The following C2CD2L variants were observed in gnomAD, a reference collection of about 807,000 sequenced individuals.
The protein encoded by C2CD2L is C2CD2 like, also known as phospholipid transfer protein C2CD2L.
C2CD2L carries 24 observed loss-of-function variants against 69.9 expected under a neutral mutation model. That is an observed-to-expected ratio of 0.34 (90% CI 0.25 to 0.48). The LOEUF is 0.48. Ranked by LOEUF, C2CD2L falls within the 20% of genes least tolerant of loss-of-function variation. The probability of loss-of-function intolerance (pLI) is 0.99; values close to 1 mark genes in which losing one functional copy is unlikely to be tolerated. For synonymous variants in C2CD2L, 367 were observed against 391.0 expected (o/e 0.94, Z 0.72); for missense variants, 811 against 941.5 (o/e 0.86, Z 1.81).
intron 11 of C2CD2L, 64 bp from the exon 12 acceptor site, chr11:119,113,791 G>A: frequency 6.2e-7 from 1 of 1,611,512 alleles, no homozygotes; most frequent in Non-Finnish European, 8.5e-7. Flanking sequence ...TGGGATAGGA[G>A]GAGTTCCAAT....
At chr11:119,111,813 G>C (rs1186132811) in intron 7 of C2CD2L, 184 bp downstream of exon 7, 29 of 574,412 alleles carry the variant, frequency 5.0e-5, no homozygotes, top group Non-Finnish European at 3.1e-6. Context: ...CCACCCCTGG[G>C]TCAATGACAA....
chr11:119,111,255 G>A lies in C2CD2L; in HGVS notation c.799-8G>A. On this transcript the variant is annotated splice_region_variant and splice_polypyrimidine_tract_variant and intron_variant, in intron 5 of 13. Coordinates refer to ENST00000648610, the MANE Select transcript of C2CD2L (RefSeq NM_001290474.2). ...ATTCTTGCTCTTTGGACCTTCTTCT[G>A]CTCTTAGGTACCCAGTGAGAAGCCA... 1.2e-6 allele frequency: 2 copies of A among 1,613,686 alleles called. No individual in the cohort carries two copies. The highest frequency in any genetic ancestry group is 2.2e-5 in the South Asian group (2 of 91,082).
In C2CD2L at chr11:119,114,121, T is replaced by C. The variant is rs1946824103; in HGVS notation, c.1665T>C (p.Tyr555=). The C allele has an allele frequency of 1.2e-6, 2 of 1,614,024 alleles. No homozygotes were observed. Among genetic ancestry groups the C allele is most frequent in the African/African-American group, 1.3e-5 (1 of 74,916 alleles). The change falls in exon 13 of 14, where the codon TAT becomes TAC. Residue 555 remains tyrosine, a synonymous_variant. Coordinates refer to ENST00000648610, the MANE Select transcript of C2CD2L (RefSeq NM_001290474.2). The surrounding 1 kb of genome is among the most constrained non-coding windows in gnomAD (Gnocchi z 5.1). ...ACGAGTTGGCGCTATCCCTGGGCTA[T>C]GCGGCATCCCTGGAAGCCTCAGTGC... The part of the protein sequence containing the change: ...AQDELALSLG[Y]AASLEASVQD...
intron 9 of C2CD2L, 25 bp downstream of exon 9, chr11:119,112,634 G>A (rs373719904): frequency 5.0e-6 from 8 of 1,607,490 alleles, no homozygotes; most frequent in Admixed American, 1.7e-5. Flanking sequence ...CCTGGGGTAG[G>A]TGGGAGGACA....
Position 119,108,578 on chromosome 11 carries a change from TCTC to T in C2CD2L, c.354+488_354+490del, listed in dbSNP as rs1946653546. Among the ~76,000 whole-genome samples the T allele has an allele frequency of 4.6e-5, 7 of 152,246 alleles. No individual in the cohort carries two copies. In the South Asian group the frequency reaches 1.5e-3, roughly 32 times the overall value. ...TCACTGCTACAGTCAAACACATCCTTCTCCTCCATGCTGGCCTGTGGTTCACTG... is the reference window on the plus strand; with the variant it reads ...TCACTGCTACAGTCAAACACATCCTTCTCCATGCTGGCCTGTGGTTCACTG... On this transcript the variant is annotated intron_variant, in intron 1 of 13. Transcript: ENST00000648610.
chr11:119,114,328 T>G lies in C2CD2L; in HGVS notation c.1872T>G (p.Thr624=). 6.2e-7 allele frequency: 1 copy of G among 1,614,162 alleles called. No homozygotes were observed. Among genetic ancestry groups the G allele is most frequent in the South Asian group, 1.1e-5 (1 of 91,090 alleles). ...ATATTGAGTCGGAAACGGGGTCCAC[T>G]GGTGCCCTGGAGACCCGCAGCCTCA... ...VDDIESETGS[T]GALETRSLKD... is the part of the protein sequence containing the mutation. The change falls in exon 13 of 14, where the codon ACT becomes ACG. Residue 624 remains threonine (T), a synonymous_variant. Coordinates refer to ENST00000648610, the MANE Select transcript of C2CD2L (RefSeq NM_001290474.2). The surrounding 1 kb of genome is among the most constrained non-coding windows in gnomAD (Gnocchi z 5.1).
rs966205843 is a variant in C2CD2L at position 119,113,635 on chromosome 11, A to T, written c.1412A>T (p.Lys471Met). The T allele has an allele frequency of 2.5e-6, 4 of 1,613,622 alleles. No individual in the cohort carries two copies. The highest frequency in any genetic ancestry group is 3.4e-6 in the Non-Finnish European group (4 of 1,179,856). ...KLDSPSRSPS[K>M]VEVTEKTTTV... ...GACTCCCCCTCCCGCTCCCCGTCCA[A>T]GGTGGAGGTGACCGAGAAGACGACA... The change falls in exon 11 of 14, where the codon AAG (lysine) becomes ATG (methionine). Residue 471 changes from lysine to methionine, a missense_variant. Transcript: ENST00000648610.
In C2CD2L at chr11:119,116,298, C is replaced by T. The variant is rs977633198; in HGVS notation, c.*42C>T. On this transcript the variant is annotated 3_prime_UTR_variant, in exon 14 of 14. Transcript: ENST00000648610. ...GGGCACGAGTTCTCTCAGCCCATTC[C>T]CCACCTCCCCTTCCATACCCCTTCC... 3.4e-6 allele frequency: 5 copies of T among 1,465,236 alleles called. No individual in the cohort carries two copies. Among genetic ancestry groups the T allele is most frequent in the East Asian group, 2.3e-5 (1 of 44,016 alleles). The allele number at this position is 1,465,236 out of a possible 1,614,324, so 90.8% of individuals were successfully genotyped here.
chr11:119,106,616 T>C (rs987163274), upstream of C2CD2L: 1 of 152,228 alleles, frequency 6.6e-6, no homozygotes, highest in Non-Finnish European at 1.5e-5. Context: ...CTGAATCTAT[T>C]GATAGTCCAG....
upstream of C2CD2L, among the ~76,000 whole-genome samples, chr11:119,105,245 C>T (rs1222741972): frequency 1.3e-5 from 2 of 152,128 alleles, no homozygotes; most frequent in Non-Finnish European, 2.9e-5. Context: ...GGTTCCCACC[C>T]CTAGGCAGCT....
At position 119,110,910 on chromosome 11, in the gene C2CD2L, C is replaced by T. The variant is rs967566654; in HGVS notation, c.634C>T (p.Arg212Cys). Residue 212 changes from arginine (R) to cysteine (C), a missense_variant, in exon 4 of 14, where the codon CGC becomes TGC. Arg to Cys is a radical substitution (Grantham distance 180). Coordinates refer to ENST00000648610, the MANE Select transcript of C2CD2L (RefSeq NM_001290474.2). This position sits in a 1 kb window ranked among gnomAD's most constrained non-coding sequence, Gnocchi z 5.7. ...GLLISWAFTD[R>C]PDLSLTVLPK... Reference sequence around the variant, plus strand: ...GCTCATATCCTGGGCCTTCACTGATCGCCCAGATCTCAGCCTAACGGTGCT... The same window carrying T: ...GCTCATATCCTGGGCCTTCACTGATTGCCCAGATCTCAGCCTAACGGTGCT... 15 of 1,614,012 alleles carry T rather than the reference C, an allele frequency of 9.3e-6. No homozygotes were observed. The highest frequency in any genetic ancestry group is 2.2e-5 in the East Asian group (1 of 44,890).
chr11:119,112,970 A>G (rs185881017), intron 10 of C2CD2L, 96 bp downstream of exon 10: 22 of 1,019,632 alleles, frequency 2.2e-5, no homozygotes, highest in Admixed American at 7.4e-5. Flanking sequence ...CTTAATTCCA[A>G]CTCCCCCTGT....
upstream of C2CD2L, among the ~76,000 whole-genome samples, chr11:119,106,061 A>G (rs949654464): frequency 1.3e-5 from 2 of 152,206 alleles, no homozygotes; most frequent in African/African-American, 4.8e-5. Flanking sequence ...TCCAGTGACA[A>G]TGCATGGGCA....
rs143856870 is a variant in C2CD2L, at chr11:119,116,057, G to A, written c.1922G>A (p.Arg641His). 1.2e-6 allele frequency: 2 copies of A among 1,613,452 alleles called. No homozygotes were observed. Among genetic ancestry groups the A allele is most frequent in the South Asian group, 1.1e-5 (1 of 91,062 alleles). The change falls in exon 14 of 14, where the codon CGC becomes CAC. Residue 641 changes from arginine (R) to histidine (H), a missense_variant. Physicochemically the swap from Arg to His is conservative, Grantham distance 29 (BLOSUM62 0). Transcript: ENST00000648610. ...TCTTCCCCTGCAGTGAGTTTCCTGCGCAGCGGCACTAAGCTCATCTTCCGC... is the reference window on the plus strand; with the variant it reads ...TCTTCCCCTGCAGTGAGTTTCCTGCACAGCGGCACTAAGCTCATCTTCCGC... ...SLKDHKVSFL[R>H]SGTKLIFRRR...
chr11:119,107,451 G>T lies in C2CD2L; in HGVS notation c.-291G>T, dbSNP rs1946614500. 3.4e-6 allele frequency: 1 copy of T among 294,230 alleles called. No homozygotes were observed. 18.2% of individuals were successfully genotyped at this position (294,230 alleles called of 1,614,324 possible). ...TCCCCTCCAGGGTCCGGCGGGGCCC[G>T]CGCGGTGGGAGGAGTCGGGCACTGG... On this transcript the variant is annotated 5_prime_UTR_variant, in exon 1 of 14. Coordinates refer to ENST00000648610, the MANE Select transcript of C2CD2L (RefSeq NM_001290474.2). The surrounding 1 kb of genome is among the most constrained non-coding windows in gnomAD (Gnocchi z 5.4).
chr11:119,105,954 G>T (rs145368033), upstream of C2CD2L, among the ~76,000 whole-genome samples: 2 of 152,328 alleles, frequency 1.3e-5, no homozygotes, highest in African/African-American at 4.8e-5. Flanking sequence ...CTGCATCCCT[G>T]GTTCTGGCCC....
At chr11:119,112,275 G>A in intron 7 of C2CD2L, 53 bp from the exon 8 acceptor site, 7 of 1,516,430 alleles carry the variant, frequency 4.6e-6, no homozygotes, top group Non-Finnish European at 6.3e-6. Flanking sequence ...ACTCAAGTGT[G>A]GGTTCAGCTT....
chr11:119,112,862 G>C lies in C2CD2L; in HGVS notation c.1375G>C (p.Asp459His), dbSNP rs1946787932. The C allele has an allele frequency of 1.2e-6, 2 of 1,613,628 alleles. No homozygotes were observed. Among genetic ancestry groups the C allele is most frequent in the Non-Finnish European group, 1.7e-6 (2 of 1,179,816 alleles). ...CACTGTCCAGTCCCGGCCCCGTATA[G>C]ACGGCAAATTAGGTAAAGAGAAGGA... is the stretch of plus-strand genomic sequence containing the variant. ...VTTVQSRPRI[D>H]GKLDSPSRSP... The change falls in exon 10 of 14, where the codon GAC becomes CAC. Residue 459 changes from aspartate (D) to histidine (H), a missense_variant. Coordinates refer to ENST00000648610, the MANE Select transcript of C2CD2L (RefSeq NM_001290474.2).
rs1946625234 is a variant in C2CD2L at position 119,107,783 on chromosome 11, C to T, written c.42C>T (p.Ala14=). ...GGCAGCGGGACGTGGGCTGGGCGGC[C>T]TTGCTGATCCTCTTCGCCGCCTCGC... The part of the protein sequence containing the change: ...GWGQRDVGWA[A]LLILFAASLL... Residue 14 remains alanine, a synonymous_variant, in exon 1 of 14, where the codon GCC becomes GCT. Coordinates refer to ENST00000648610, the MANE Select transcript of C2CD2L (RefSeq NM_001290474.2). The surrounding 1 kb of genome is among the most constrained non-coding windows in gnomAD (Gnocchi z 5.4). The T allele has an allele frequency of 2.6e-6, 4 of 1,545,256 alleles. No individual in the cohort carries two copies. The highest frequency in any genetic ancestry group is 2.9e-5 in the African/African-American group (2 of 70,072).
Sources: allele counts gnomAD v4.1 joint callset (sites outside exome capture counted in the v4.1 genomes callset), GRCh38; gene constraint gnomAD v4.1.1; non-coding constraint Gnocchi (gnomAD v3.1); transcripts MANE v1.5; gene names NCBI Gene and HGNC (gene_info 2026-07-23, HGNC 2026-07-21).